GOLGA6L6: variants seen among roughly 807,000 people sequenced by gnomAD.
GOLGA6L6 encodes golgin A6 family like 6 (gene/pseudogene).
Under a neutral mutation model 75.6 loss-of-function variants are expected in GOLGA6L6, and 12 were observed. That is an observed-to-expected ratio of 0.16 (90% CI 0.10 to 0.26). The LOEUF (loss-of-function observed/expected upper bound fraction) is 0.26, where lower values mean the gene tolerates loss of function less well. Ranked by LOEUF, GOLGA6L6 falls within the 10% of genes least tolerant of loss-of-function variation. GOLGA6L6 has a pLI of 1.00. For missense variants in GOLGA6L6, 144 were observed against 598.5 expected (o/e 0.24, Z 7.92); for synonymous variants, 38 against 179.2 (o/e 0.21, Z 6.29).
intron 8 of GOLGA6L6, 41 bp downstream of exon 8, chr15:20,534,218 C>G: frequency 2.7e-6 from 2 of 729,734 alleles, no homozygotes; most frequent in Non-Finnish European, 4.2e-6. Context: ...GGCCTTCTGC[C>G]CCAGCTTCCC....
rs1460733623 is a variant in GOLGA6L6 at position 20,534,590 on chromosome 15, A to T, written c.1844T>A (p.Met615Lys). The T allele has an allele frequency of 1.0e-5, 15 of 1,498,910 alleles. No homozygotes were observed. Among genetic ancestry groups the T allele is most frequent in the Middle Eastern group, 2.1e-4 (1 of 4,748 alleles). 92.9% of individuals were successfully genotyped at this position (1,498,910 alleles called of 1,614,324 possible). A position where few individuals can be genotyped will look rare whatever the true frequency, so the allele number is the denominator to read the frequency against. The stretch of plus-strand genomic sequence containing the variant: ...CATCTTCTCTTCCTGTTCCTGCGTC[A>T]TCTCCTCCTGCTCTCGTATCTTCTC... ...QEEKIREQEE[M>K]TQEQEEKMGE... The change falls in exon 8 of 9, where the codon ATG (methionine) becomes AAG (lysine). Residue 615 changes from methionine to lysine, a missense_variant. By Grantham distance (95) the Met-to-Lys change is moderately conservative. Coordinates refer to ENST00000619213, the MANE Select transcript of GOLGA6L6 (RefSeq NM_001145004.2).
Position 20,534,464 on chromosome 15 carries a change from T to G in GOLGA6L6, c.1970A>C (p.Lys657Thr). The G allele has an allele frequency of 6.9e-7, 1 of 1,446,148 alleles. No individual in the cohort carries two copies. Among genetic ancestry groups the G allele is most frequent in the South Asian group, 1.3e-5 (1 of 76,258 alleles). The allele number at this position is 1,446,148 out of a possible 1,614,324, so 89.6% of individuals were successfully genotyped here. Residue 657 changes from lysine to threonine, a missense_variant, in exon 8 of 9, where the codon AAG becomes ACG. By Grantham distance (78) the Lys-to-Thr change is moderately conservative (BLOSUM62 -1). Transcript: ENST00000619213. Reference protein sequence around the residue: ...QEEKIREQEKKIREQEEKIRE... With the variant: ...QEEKIREQEKTIREQEEKIRE... ...TATCTTCTCCTCCTGCTCCCGTATC[T>G]TCTTCTCCTGCTCCCTTATCTTCTC...
Position 20,535,151 on chromosome 15 carries a change from CA to C in GOLGA6L6, c.1282del (p.Trp428GlyfsTer32). On this transcript the variant is annotated frameshift_variant, in exon 8 of 9. Transcript: ENST00000619213. LOFTEE classifies it high-confidence loss of function. ...CTCATGAATCTTCTCCTCCTGCCTC[CA>C]CATCTTTTTCTCCTGCTCCCGTATC... ...EKIREQEKKM[W>X]RQEEKIHEQE... 1 of 943,596 alleles carries C rather than the reference CA, an allele frequency of 1.1e-6. No homozygotes were observed. Among genetic ancestry groups the C allele is most frequent in the Non-Finnish European group, 1.5e-6 (1 of 653,702 alleles). 58.5% of individuals were successfully genotyped at this position (943,596 alleles called of 1,614,324 possible). A position where few individuals can be genotyped will look rare whatever the true frequency, so the allele number is the denominator to read the frequency against.
Sources: gnomAD v4.1 joint callset for allele counts on GRCh38, gnomAD v4.1.1 for gene constraint, MANE v1.5 for transcripts, NCBI Gene and HGNC (gene_info 2026-07-23, HGNC 2026-07-21) for gene names.